PSMA1: variants seen among roughly 807,000 people sequenced by gnomAD.
The protein encoded by PSMA1 is proteasome 20S subunit alpha 1.
A neutral mutation model predicts 38.4 loss-of-function variants in PSMA1; 3 were observed. The ratio of observed to expected loss-of-function variants is 0.08; its 90% CI spans 0.04 to 0.20. PSMA1 has a LOEUF of 0.20. Ranked by LOEUF, PSMA1 falls within the 10% of genes least tolerant of loss-of-function variation. PSMA1 has a pLI of 1.00. For missense variants in PSMA1, 227 were observed against 325.3 expected (o/e 0.70, Z 2.32); for synonymous variants, 101 against 107.1 (o/e 0.94, Z 0.35).
chr11:14,560,213 C>G (rs1381533711), intron 2 of PSMA1, among the ~76,000 whole-genome samples: 2 of 152,182 alleles, frequency 1.3e-5, no homozygotes, highest in African/African-American at 4.8e-5. Flanking sequence ...TCATTACAGC[C>G]AATGCTTTGT....
chr11:14,537,928 C>T (rs1156971745), intron 2 of PSMA1, among the ~76,000 whole-genome samples: 3 of 151,924 alleles, frequency 2.0e-5, no homozygotes, highest in African/African-American at 7.3e-5. Context: ...AGGCTGGTCT[C>T]GAACTCCTGG....
intron 2 of PSMA1, among the ~76,000 whole-genome samples, chr11:14,586,622 G>GT (rs1373809397): frequency 6.6e-6 from 1 of 152,110 alleles, no homozygotes; most frequent in Non-Finnish European, 1.5e-5. Context: ...TACTTAGGTA[G>GT]TTTTTTCTGT....
intron 8 of PSMA1, among the ~76,000 whole-genome samples, chr11:14,508,783 T>C (rs1296594762): frequency 6.6e-6 from 1 of 152,168 alleles, no homozygotes; most frequent in East Asian, 1.9e-4. Context: ...TATTATTCCA[T>C]TAAGCCTGTT....
chr11:14,583,680 G>A (rs1352678400), intron 2 of PSMA1, among the ~76,000 whole-genome samples: 1 of 152,210 alleles, frequency 6.6e-6, no homozygotes, highest in Non-Finnish European at 1.5e-5. Context: ...AGGGCAGACA[G>A]AGTGAAACAA....
At chr11:14,511,709 G>A (rs905972907) in intron 7 of PSMA1, among the ~76,000 whole-genome samples, 2 of 152,184 alleles carry the variant, frequency 1.3e-5, no homozygotes, top group African/African-American at 4.8e-5. Flanking sequence ...AATCTTAGCA[G>A]TGAATGACTA....
chr11:14,625,448 C>G (rs1449615273), intron 1 of PSMA1, among the ~76,000 whole-genome samples: 1 of 152,102 alleles, frequency 6.6e-6, no homozygotes, highest in African/African-American at 2.4e-5. Context: ...AACTCCATCT[C>G]AAAAAAGAAA....
chr11:14,568,673 G>T (rs533560116), intron 2 of PSMA1, among the ~76,000 whole-genome samples: 1 of 152,314 alleles, frequency 6.6e-6, no homozygotes, highest in Admixed American at 6.5e-5. Context: ...CAGGCTTAAA[G>T]AACTTTAGAG....
intron 1 of PSMA1, 199 bp from the exon 2 acceptor site, chr11:14,519,240 G>C (rs979356638): frequency 3.1e-6 from 2 of 635,104 alleles, no homozygotes; most frequent in East Asian, 6.5e-5. Context: ...GGGAGAAGCA[G>C]ATCTAAATGG....
chr11:14,623,314 T>C (rs1263372067), intron 1 of PSMA1, among the ~76,000 whole-genome samples: 1 of 152,154 alleles, frequency 6.6e-6, no homozygotes, highest in African/African-American at 2.4e-5. Flanking sequence ...TGTATGTGAG[T>C]ACAAGCTCAA....
intron 2 of PSMA1, among the ~76,000 whole-genome samples, chr11:14,529,048 C>T (rs117804816): frequency 0.036 from 5,440 of 149,138 alleles, 138 homozygotes; most frequent in Middle Eastern, 0.07. Flanking sequence ...TCTCTTCACA[C>T]GGACACATGA....
At position 14,638,484 on chromosome 11, in the gene PSMA1, G is replaced by A. The variant is rs1315323226; in HGVS notation, c.-166+4971C>T. On this transcript the variant is annotated intron_variant, in intron 1 of 10. Coordinates refer to the PSMA1 transcript ENST00000418988. ...GCAAAACTGCATGAATACATTTTAA[G>A]TTGGCTTAGTGGAGAAACACACCTC... Among the ~76,000 whole-genome samples, 4 of 118,258 alleles carry A rather than the reference G, an allele frequency of 3.4e-5. No homozygotes were observed. In the East Asian group the frequency reaches 1.0e-3, roughly 31 times the overall value. The allele number at this position is 118,258 out of a possible 152,430, so 77.6% of individuals were successfully genotyped here. A position where few individuals can be genotyped will look rare whatever the true frequency, so the allele number is the denominator to read the frequency against.
At chr11:14,506,680 C>T (rs1047493480) in intron 9 of PSMA1, among the ~76,000 whole-genome samples, 4 of 152,216 alleles carry the variant, frequency 2.6e-5, no homozygotes, top group African/African-American at 9.6e-5. Flanking sequence ...TTCTCCCAGT[C>T]TCTGCTCAAA....
Position 14,538,506 on chromosome 11 carries a change from C to T in PSMA1, c.22-19465G>A, listed in dbSNP as rs549597773. Reference sequence around the variant, plus strand: ...GGTCTTGGATGACAGCCCCATGCTACGCCAGCTTCCATATCCCTTAACTCT... The same window carrying T: ...GGTCTTGGATGACAGCCCCATGCTATGCCAGCTTCCATATCCCTTAACTCT... On this transcript the variant is annotated intron_variant, in intron 2 of 10. Transcript: ENST00000418988. Among the ~76,000 whole-genome samples the T allele has an allele frequency of 5.9e-5, 9 of 152,344 alleles. No homozygotes were observed. In the South Asian group the frequency reaches 1.0e-3, roughly 18 times the overall value.
At chr11:14,604,434 C>T (rs1298952756) in intron 2 of PSMA1, among the ~76,000 whole-genome samples, 2 of 152,038 alleles carry the variant, frequency 1.3e-5, no homozygotes, top group African/African-American at 2.4e-5. Context: ...TTTCTAGGGC[C>T]CCAATGCAAA....
At chr11:14,531,804 C>T (rs1414394688) in intron 2 of PSMA1, among the ~76,000 whole-genome samples, 1 of 152,080 alleles carries the variant, frequency 6.6e-6, no homozygotes, top group Non-Finnish European at 1.5e-5. Context: ...GTACTTTAAT[C>T]TTTTATAGAT....
intron 2 of PSMA1, among the ~76,000 whole-genome samples, chr11:14,565,253 C>T (rs1429791824): frequency 6.6e-6 from 1 of 152,032 alleles, no homozygotes; most frequent in Non-Finnish European, 1.5e-5. Flanking sequence ...TATTTCATTC[C>T]TGATATTAGA....
chr11:14,560,204 C>A (rs531679016), intron 2 of PSMA1, among the ~76,000 whole-genome samples: 4 of 152,312 alleles, frequency 2.6e-5, no homozygotes, highest in Non-Finnish European at 4.4e-5. Flanking sequence ...CCACAGCATT[C>A]ATTACAGCCA....
At chr11:14,610,911 T>C in intron 2 of PSMA1, 1 of 1,559,786 alleles carries the variant, frequency 6.4e-7, no homozygotes, top group Non-Finnish European at 8.8e-7. Context: ...GCTCACATAG[T>C]GAGATGTGAA....
chr11:14,509,694 G>GCCTCAAT, intron 8 of PSMA1, among the ~76,000 whole-genome samples: 1 of 136,590 alleles, frequency 7.3e-6, no homozygotes, highest in Non-Finnish European at 1.6e-5. Flanking sequence ...AGCCACTGCG[G>GCCTCAAT]CTGGCCCACA....
Sources: allele counts gnomAD v4.1 joint callset (sites outside exome capture counted in the v4.1 genomes callset), GRCh38; gene constraint gnomAD v4.1.1; transcripts MANE v1.5; gene names NCBI Gene and HGNC (gene_info 2026-07-23, HGNC 2026-07-21).